The following SDCCAG8 variants were observed in gnomAD, a reference collection of about 807,000 sequenced individuals.
The protein encoded by SDCCAG8 is SHH signaling and ciliogenesis regulator SDCCAG8.
Under a neutral mutation model 101.8 loss-of-function variants are expected in SDCCAG8, and 74 were observed. The ratio of observed to expected loss-of-function variants is 0.73; its 90% CI spans 0.60 to 0.88. The LOEUF (loss-of-function observed/expected upper bound fraction) is 0.88. Ranked by LOEUF, SDCCAG8 falls within the 40% of genes least tolerant of loss-of-function variation. The pLI is 0.00. For missense variants in SDCCAG8, 787 were observed against 822.6 expected (o/e 0.96, Z 0.53); for synonymous variants, 281 against 292.9 (o/e 0.96, Z 0.41).
intron 13 of SDCCAG8, among the ~76,000 whole-genome samples, chr1:243,394,248 A>C (rs2078901443): frequency 6.6e-6 from 1 of 152,260 alleles, no homozygotes; most frequent in African/African-American, 2.4e-5. Flanking sequence ...ACATAGCCAT[A>C]TGCTATTTAT....
intron 1 of SDCCAG8, chr1:243,267,435 C>G: frequency 3.2e-6 from 1 of 308,194 alleles, no homozygotes; most frequent in Non-Finnish European, 6.3e-6. Flanking sequence ...CCCGTCTCTA[C>G]TAAAAAAAAA....
intron 6 of SDCCAG8, among the ~76,000 whole-genome samples, chr1:243,293,683 A>T (rs1573022287): frequency 6.6e-6 from 1 of 152,188 alleles, no homozygotes; most frequent in Admixed American, 6.5e-5. Context: ...CCATTCATCT[A>T]TTGACTGATA....
intron 4 of SDCCAG8, among the ~76,000 whole-genome samples, chr1:243,283,433 AT>A (rs1368969642): frequency 2.0e-5 from 3 of 148,354 alleles, no homozygotes; most frequent in Non-Finnish European, 3.0e-5. Flanking sequence ...ATATATATAT[AT>A]TTATTACACA....
intron 10 of SDCCAG8, among the ~76,000 whole-genome samples, chr1:243,339,250 C>T (rs917893105): frequency 6.6e-6 from 1 of 152,038 alleles, no homozygotes; most frequent in East Asian, 1.9e-4. Context: ...AAATAAATGT[C>T]GGTATATTTA....
chr1:243,372,511 T>G (rs1052888968), intron 12 of SDCCAG8, among the ~76,000 whole-genome samples: 2 of 152,102 alleles, frequency 1.3e-5, no homozygotes, highest in African/African-American at 4.8e-5. Flanking sequence ...TTGCATTCAT[T>G]TCTTTGGATA....
At chr1:243,373,515 G>A (rs2147889666) in intron 12 of SDCCAG8, among the ~76,000 whole-genome samples, 1 of 152,154 alleles carries the variant, frequency 6.6e-6, no homozygotes, top group Middle Eastern at 3.4e-3. Flanking sequence ...TCTGCTTCAG[G>A]TCGTGGGTTG....
Position 243,258,201 on chromosome 1 carries a change from AC to A in SDCCAG8, c.67+1962del, listed in dbSNP as rs548068979. On this transcript the variant is annotated intron_variant, in intron 1 of 17. Transcript: ENST00000366541. Reference sequence around the variant, plus strand: ...AAAAAGTTAAACAACTTAAAAAAAAACGTATTCATAATTTTAACAGTGAATC... The same window carrying A: ...AAAAAGTTAAACAACTTAAAAAAAAAGTATTCATAATTTTAACAGTGAATC... 5.0e-4 allele frequency among the ~76,000 whole-genome samples: 76 copies of A among 152,148 alleles called. No individual in the cohort carries two copies. In the South Asian group the frequency reaches 7.9e-3, roughly 16 times the overall value.
chr1:243,407,289 C>CT (rs2079854446), intron 13 of SDCCAG8, among the ~76,000 whole-genome samples: 1 of 152,202 alleles, frequency 6.6e-6, no homozygotes. Flanking sequence ...AGCTTTGCTA[C>CT]TTACTAGCTG....
chr1:243,260,927 A>G (rs908839910), intron 1 of SDCCAG8, among the ~76,000 whole-genome samples: 1 of 152,192 alleles, frequency 6.6e-6, no homozygotes, highest in Non-Finnish European at 1.5e-5. Flanking sequence ...CTTTGCTGAC[A>G]ACCATCTGGG....
chr1:243,400,582 G>A (rs2147970826), intron 13 of SDCCAG8, among the ~76,000 whole-genome samples: 1 of 152,312 alleles, frequency 6.6e-6, no homozygotes, highest in South Asian at 2.1e-4. Context: ...AGAGTAGCTG[G>A]ACAGTTAGCT....
intron 16 of SDCCAG8, among the ~76,000 whole-genome samples, chr1:243,471,319 C>T (rs1245873867): frequency 1.3e-5 from 2 of 152,120 alleles, no homozygotes; most frequent in African/African-American, 4.8e-5. Flanking sequence ...GGCAATTGGC[C>T]CTCGGGCGGG....
chr1:243,398,038 A>G (rs2079134887), intron 13 of SDCCAG8, among the ~76,000 whole-genome samples: 1 of 152,242 alleles, frequency 6.6e-6, no homozygotes, highest in African/African-American at 2.4e-5. Flanking sequence ...AGGAGCTATT[A>G]AGAAGCTATC....
chr1:243,304,274 C>T (rs983971700), intron 6 of SDCCAG8, among the ~76,000 whole-genome samples: 11 of 152,126 alleles, frequency 7.2e-5, no homozygotes, highest in Non-Finnish European at 1.2e-4. Flanking sequence ...TAACTGGATA[C>T]CAACAGAGGC....
chr1:243,487,735 G>C (rs1036461542), intron 16 of SDCCAG8: 1 of 152,340 alleles, frequency 6.6e-6, no homozygotes, highest in African/African-American at 2.4e-5. Context: ...GCCAAGCCCG[G>C]GGAGGCGGGG....
In SDCCAG8 at chr1:243,256,201, C is replaced by T. The variant is rs769986119; in HGVS notation, c.28C>T (p.Leu10=). The change falls in exon 1 of 18, where the codon CTG becomes TTG. Residue 10 remains leucine (L), a synonymous_variant. Transcript: ENST00000366541. MAKSPENST[L]EEILGQYQRS... is the part of the protein sequence containing the mutation. The stretch of plus-strand genomic sequence containing the variant: ...GGCGAAGTCCCCGGAGAACTCTACC[C>T]TGGAGGAGATTCTGGGGCAGTATCA... 2 of 1,614,216 alleles carry T rather than the reference C, an allele frequency of 1.2e-6. No individual in the cohort carries two copies. The highest frequency in any genetic ancestry group is 1.3e-5 in the African/African-American group (1 of 75,060).
At chr1:243,408,917 T>C (rs2079972758) in intron 13 of SDCCAG8, among the ~76,000 whole-genome samples, 1 of 152,182 alleles carries the variant, frequency 6.6e-6, no homozygotes, top group African/African-American at 2.4e-5. Flanking sequence ...TTTCTTTTTG[T>C]TCTGCTTGAA....
intron 12 of SDCCAG8, among the ~76,000 whole-genome samples, chr1:243,355,721 T>C (rs1484738504): frequency 1.3e-5 from 2 of 152,194 alleles, no homozygotes; most frequent in Non-Finnish European, 2.9e-5. Flanking sequence ...TCATCCCGCC[T>C]CCACCTCCCA....
chr1:243,465,713 C>T (rs1232979533), intron 16 of SDCCAG8, among the ~76,000 whole-genome samples: 3 of 152,134 alleles, frequency 2.0e-5, no homozygotes, highest in African/African-American at 7.2e-5. Context: ...ATGTAATAAA[C>T]AGAGCTTTGT....
intron 16 of SDCCAG8, among the ~76,000 whole-genome samples, chr1:243,456,704 G>A (rs923946761): frequency 6.6e-6 from 1 of 152,050 alleles, no homozygotes; most frequent in Non-Finnish European, 1.5e-5. Flanking sequence ...AAAGGGGTAG[G>A]GGATTATTTT....
Sources: gnomAD v4.1 joint callset for allele counts (sites outside exome capture counted in the v4.1 genomes callset) on GRCh38, gnomAD v4.1.1 for gene constraint, MANE v1.5 for transcripts, NCBI Gene and HGNC (gene_info 2026-07-23, HGNC 2026-07-21) for gene names.